Variants in ECHS1 observed in about 807,000 individuals in gnomAD.
The protein encoded by ECHS1 is enoyl-CoA hydratase, short chain 1.
A neutral mutation model predicts 33.5 loss-of-function variants in ECHS1; 19 were observed. That is an observed-to-expected ratio of 0.57 (90% confidence interval 0.40 to 0.83). The LOEUF (loss-of-function observed/expected upper bound fraction) is 0.83, where lower values mean the gene tolerates loss of function less well. Among genes scored for constraint, ECHS1 ranks in the 40% least tolerant of loss-of-function variants. The pLI is 0.00. For missense variants in ECHS1, 365 were observed against 381.3 expected, an observed-to-expected ratio of 0.96 and a Z score of 0.36; for synonymous variants, 158 against 146.6, an observed-to-expected ratio of 1.08 and a Z score of -0.56.
intron 1 of ECHS1, among the ~76,000 whole-genome samples, chr10:133,372,324 A>AT (rs1282537129): frequency 6.6e-6 from 1 of 152,204 alleles, no homozygotes; most frequent in African/African-American, 2.4e-5. Context: ...GATTCCTCAG[A>AT]TACTAGAGCC....
chr10:133,369,123 G>C, intron 3 of ECHS1, 101 bp from the exon 4 acceptor site: 3 of 1,101,634 alleles, frequency 2.7e-6, no homozygotes, highest in Non-Finnish European at 4.0e-6. Context: ...AACAGTGTTG[G>C]GGGTATGACA....
In ECHS1 at chr10:133,369,033, T is replaced by G; in HGVS notation, c.415-11A>C. 6.2e-7 allele frequency: 1 copy of G among 1,612,986 alleles called. No homozygotes were observed. Among genetic ancestry groups the G allele is most frequent in the South Asian group, 1.1e-5 (1 of 91,054 alleles). On this transcript the variant is annotated splice_polypyrimidine_tract_variant and intron_variant, in intron 3 of 7. Coordinates refer to ENST00000368547, the MANE Select transcript of ECHS1 (RefSeq NM_004092.4). ...ACAGCCCCCGCCAAACTGTAAAACA[T>G]TCGGCATCAGGAGAGTCTTACCAGG...
In ECHS1 at chr10:133,366,928, T is replaced by G. The variant is rs1234830986; in HGVS notation, c.580A>C (p.Thr194Pro). ...GKSLAMEMVL[T>P]GDRISAQDAK... ...TCCTGGGCTGAGATCCGGTCACCAG[T>G]GAGGACCATCTCCATCGCCAGCGAC... Residue 194 changes from threonine to proline, a missense_variant, in exon 5 of 8, where the codon ACT (threonine) becomes CCT (proline). Coordinates refer to ENST00000368547, the MANE Select transcript of ECHS1 (RefSeq NM_004092.4). 6.2e-7 allele frequency: 1 copy of G among 1,612,544 alleles called. No homozygotes were observed. The highest frequency in any genetic ancestry group is 8.5e-7 in the Non-Finnish European group (1 of 1,179,974).
chr10:133,373,287 C>G lies in ECHS1; in HGVS notation c.47G>C (p.Arg16Thr). Residue 16 changes from arginine (R) to threonine (T), a missense_variant, in exon 1 of 8, where the codon AGG (arginine) becomes ACG (threonine). By Grantham distance (71) the Arg-to-Thr change is moderately conservative. Transcript: ENST00000368547. Reference protein sequence around the residue: ...VLLSCVRGPLRPPVRCPAWRP... With the variant: ...VLLSCVRGPLTPPVRCPAWRP... ...CCAGGCGGGACAGCGAACCGGGGGC[C>G]TCAGCGGGCCGCGGACGCAGGACAG... is the stretch of plus-strand genomic sequence containing the variant. 1 of 1,481,274 alleles carries G rather than the reference C, an allele frequency of 6.8e-7. No individual in the cohort carries two copies. Among genetic ancestry groups the G allele is most frequent in the South Asian group, 1.3e-5 (1 of 77,330 alleles). 91.8% of individuals were successfully genotyped at this position (1,481,274 alleles called of 1,614,324 possible). A position where few individuals can be genotyped will look rare whatever the true frequency, so the allele number is the denominator to read the frequency against.
At chr10:133,368,247 C>T (rs1455404066) in intron 4 of ECHS1, among the ~76,000 whole-genome samples, 1 of 152,188 alleles carries the variant, frequency 6.6e-6, no homozygotes, top group African/African-American at 2.4e-5. Flanking sequence ...TATAGGCCTC[C>T]CTGACCCCAG....
intron 7 of ECHS1, 50 bp from the exon 8 acceptor site, chr10:133,362,983 G>T (rs750584290): frequency 3.1e-6 from 5 of 1,597,962 alleles, no homozygotes; most frequent in Non-Finnish European, 4.3e-6. Context: ...TATCCTCACA[G>T]AGCCTGATGC....
intron 5 of ECHS1, 40 bp downstream of exon 5, chr10:133,366,849 G>C: frequency 6.5e-7 from 1 of 1,527,680 alleles, no homozygotes; most frequent in African/African-American, 1.4e-5. Flanking sequence ...CTCCCACCCC[G>C]GGTTTCCAGG....
At chr10:133,373,014 C>T (rs1849133165) in intron 1 of ECHS1, among the ~76,000 whole-genome samples, 1 of 27,714 alleles carries the variant, frequency 3.6e-5, no homozygotes, top group Non-Finnish European at 6.3e-5. Context: ...CCGGAGGGTG[C>T]GGGGTCAGGT....
Position 133,369,498 on chromosome 10 carries a change from C to T in ECHS1, c.414+406G>A, listed in dbSNP as rs992415877. ...GGAGCGTCATGAAATGATCACAATC[C>T]GCAGACCCCTGGCTTACACGGCAGG... On this transcript the variant is annotated intron_variant, in intron 3 of 7. Transcript: ENST00000368547. Among the ~76,000 whole-genome samples, 7 of 109,036 alleles carry T rather than the reference C, an allele frequency of 6.4e-5. No homozygotes were observed. The Admixed American group carries it at 7.6e-4, about 12-fold the overall frequency. The allele number at this position is 109,036 out of a possible 152,430, so 71.5% of individuals were successfully genotyped here.
At chr10:133,370,485 T>A (rs1428661708) in intron 2 of ECHS1, 75 bp downstream of exon 2, 2 of 1,401,476 alleles carry the variant, frequency 1.4e-6, no homozygotes, top group Admixed American at 3.0e-5. Flanking sequence ...CGCAAATCTG[T>A]CTGGAGGCTT....
In ECHS1 at chr10:133,369,667, C is replaced by A. The variant is rs572639381; in HGVS notation, c.414+237G>T. 1.3e-3 allele frequency among the ~76,000 whole-genome samples: 204 copies of A among 152,310 alleles called. 1 individual carries two copies. The highest frequency in any genetic ancestry group is 4.7e-3 in the African/African-American group (196 of 41,580). On this transcript the variant is annotated intron_variant, in intron 3 of 7. Coordinates refer to ENST00000368547, the MANE Select transcript of ECHS1 (RefSeq NM_004092.4). ...GCCAAAGCCAACACCTCTCTTCCCC[C>A]ACCCTGGAAGAGAGGCTTGCTGGGG... is the stretch of plus-strand genomic sequence containing the variant.
rs78171087 is a variant in ECHS1, at chr10:133,365,825, G to A, written c.739+151C>T. On this transcript the variant is annotated intron_variant, in intron 6 of 7. Transcript: ENST00000368547. ...TCCTGAGTGCGTGACCAGAAACCAC[G>A]ACTCTACAGACAGCAGAACTGAGAC... The A allele has an allele frequency of 5.6e-4, 535 of 963,612 alleles. 2 individuals carry two copies. In the African/African-American group the frequency reaches 7.2e-3, roughly 13 times the overall value. 59.7% of individuals were successfully genotyped at this position (963,612 alleles called of 1,614,324 possible). A position where few individuals can be genotyped will look rare whatever the true frequency, so the allele number is the denominator to read the frequency against.
intron 4 of ECHS1, 132 bp from the exon 5 acceptor site, chr10:133,367,125 C>T: frequency 1.5e-6 from 1 of 681,094 alleles, no homozygotes; most frequent in Non-Finnish European, 2.5e-6. Context: ...AGAGGCCAGG[C>T]AGCACAAGAG....
At chr10:133,370,778 G>C (rs759648410) in intron 1 of ECHS1, 21 bp from the exon 2 acceptor site, 13 of 1,600,780 alleles carry the variant, frequency 8.1e-6, no homozygotes, top group Non-Finnish European at 1.1e-5. Context: ...AAGGCAAAAA[G>C]GGGTATCTAT....
At position 133,364,722 on chromosome 10, in the gene ECHS1, A is replaced by G; in HGVS notation, c.743T>C (p.Phe248Ser). Residue 248 changes from phenylalanine to serine, a missense_variant, in exon 7 of 8, where the codon TTT becomes TCT. Phe to Ser is a radical substitution (Grantham distance 155). Coordinates refer to ENST00000368547, the MANE Select transcript of ECHS1 (RefSeq NM_004092.4). ...ACTTCCTTCTGTTAATGTCATTTCA[A>G]AAGCTGAAAAACAAAGTCCCAGAGT... ...AMAKESVNAA[F>S]EMTLTEGSKL... 6.2e-7 allele frequency: 1 copy of G among 1,613,296 alleles called. No homozygotes were observed.
At chr10:133,364,126 A>G (rs564182556) in intron 7 of ECHS1, among the ~76,000 whole-genome samples, 2 of 152,000 alleles carry the variant, frequency 1.3e-5, no homozygotes, top group African/African-American at 4.8e-5. Context: ...TTGGATTTTT[A>G]GTAGAGACGG....
chr10:133,362,607 G>C lies in ECHS1; in HGVS notation c.*261C>G. ...GACCCGCAGGCCCCGCTTTCCGTCC[G>C]AGCACAGCATGCCCAGAGGGACCAG... On this transcript the variant is annotated 3_prime_UTR_variant, in exon 8 of 8. Transcript: ENST00000368547. The C allele has an allele frequency of 3.8e-6, 2 of 529,784 alleles. No homozygotes were observed. Among genetic ancestry groups the C allele is most frequent in the Admixed American group, 6.5e-5 (2 of 30,944 alleles). The allele number at this position is 529,784 out of a possible 1,614,324, so 32.8% of individuals were successfully genotyped here. A position where few individuals can be genotyped will look rare whatever the true frequency, so the allele number is the denominator to read the frequency against.
At chr10:133,373,185 C>T (rs1191244125) in intron 1 of ECHS1, 61 bp downstream of exon 1, 20 of 1,325,460 alleles carry the variant, frequency 1.5e-5, no homozygotes, top group Non-Finnish European at 1.9e-5. Flanking sequence ...GGGATCTGGT[C>T]TGGGCGTGCA....
At chr10:133,365,729 C>T (rs1849018731) in intron 6 of ECHS1, among the ~76,000 whole-genome samples, 1 of 152,192 alleles carries the variant, frequency 6.6e-6, no homozygotes. Context: ...TCTGTACTGC[C>T]CTCACCTCCC....
Sources: gnomAD v4.1 joint callset for allele counts (sites outside exome capture counted in the v4.1 genomes callset) on GRCh38, gnomAD v4.1.1 for gene constraint, MANE v1.5 for transcripts, NCBI Gene and HGNC (gene_info 2026-07-23, HGNC 2026-07-21) for gene names.